ASIC2: variants seen among roughly 807,000 people sequenced by gnomAD.
The protein encoded by ASIC2 is acid-sensing ion channel 2.
Under a neutral mutation model 57.3 loss-of-function variants are expected in ASIC2, and 25 were observed. The ratio of observed to expected loss-of-function variants is 0.44; its 90% CI spans 0.32 to 0.61. The LOEUF is 0.61. ASIC2 is among the 20% of genes least tolerant of loss of function. ASIC2 has a pLI of 0.06. For synonymous variants in ASIC2, 319 were observed against 307.5 expected (o/e 1.04, Z -0.39); for missense variants, 641 against 738.1 (o/e 0.87, Z 1.52).
At chr17:33,359,113 T>G (rs1908499921) in intron 1 of ASIC2, among the ~76,000 whole-genome samples, 1 of 152,170 alleles carries the variant, frequency 6.6e-6, no homozygotes, top group South Asian at 2.1e-4. Context: ...TAGATATACT[T>G]GAACATCATG....
At chr17:33,098,668 G>A (rs1235686436) in intron 2 of ASIC2, among the ~76,000 whole-genome samples, 3 of 152,200 alleles carry the variant, frequency 2.0e-5, no homozygotes, top group Non-Finnish European at 4.4e-5. Context: ...GAGCACACTA[G>A]TATTTTAAAG....
At chr17:33,297,823 AAAATAAATAAATAAATAAATAAAT>A (rs200008797), upstream of ASIC2, among the ~76,000 whole-genome samples, 4,136 of 141,540 alleles carry the variant, frequency 0.029, 181 homozygotes, top group African/African-American at 0.1. Context: ...ACCCTGTCTC[AAAATAAATAAATAAATAAATAAAT>A]AAATAAATAA....
intron 3 of ASIC2, among the ~76,000 whole-genome samples, chr17:33,075,796 C>G (rs138029051): frequency 6.6e-6 from 1 of 152,216 alleles, no homozygotes; most frequent in Non-Finnish European, 1.5e-5. Flanking sequence ...ACAGAACAAG[C>G]AAAAGGCATG....
At chr17:33,997,627 T>C (rs1337088232) in intron 1 of ASIC2, among the ~76,000 whole-genome samples, 1 of 152,216 alleles carries the variant, frequency 6.6e-6, no homozygotes, top group African/African-American at 2.4e-5. Context: ...TCTATTGAGA[T>C]GATCATATAA....
intron 1 of ASIC2, among the ~76,000 whole-genome samples, chr17:34,127,893 CG>C (rs1911835549): frequency 6.6e-6 from 1 of 152,120 alleles, no homozygotes; most frequent in Non-Finnish European, 1.5e-5. Context: ...CTGAGCATCC[CG>C]GGCCTTGGGC....
intron 1 of ASIC2, among the ~76,000 whole-genome samples, chr17:33,880,574 G>C (rs1439794457): frequency 6.6e-6 from 1 of 152,110 alleles, no homozygotes; most frequent in Non-Finnish European, 1.5e-5. Flanking sequence ...TTGAATCTCT[G>C]AATAGACCAA....
chr17:33,790,852 A>T lies in ASIC2; in HGVS notation c.555+365126T>A, dbSNP rs936991991. On this transcript the variant is annotated intron_variant, in intron 1 of 9. Coordinates refer to the ASIC2 transcript ENST00000359872. ...TGATTGAGAATTTATCATGTACCAG[A>T]CATGATGCTTAACACTTTTCAGGCA... Among the ~76,000 whole-genome samples the T allele has an allele frequency of 3.9e-5, 6 of 152,346 alleles. No homozygotes were observed. The South Asian group carries it at 1.0e-3, about 26-fold the overall frequency.
chr17:33,642,207 ACCCCC>A lies in ASIC2; in HGVS notation c.555+513766_555+513770del, dbSNP rs200980132. On this transcript the variant is annotated intron_variant, in intron 1 of 9. Transcript: ENST00000359872. ...CGCACTCTAGGGGGAGCAAAAGGAC[ACCCCC>A]CCCCCCCCCACACACAATGGTTATG... Among the ~76,000 whole-genome samples the A allele has an allele frequency of 5.0e-4, 68 of 136,852 alleles. 1 individual carries two copies. The highest frequency in any genetic ancestry group is 1.3e-3 in the African/African-American group (48 of 37,722). 89.8% of individuals were successfully genotyped at this position (136,852 alleles called of 152,430 possible). A position where few individuals can be genotyped will look rare whatever the true frequency, so the allele number is the denominator to read the frequency against.
At chr17:33,708,120 G>T (rs1908916392) in intron 1 of ASIC2, among the ~76,000 whole-genome samples, 1 of 152,162 alleles carries the variant, frequency 6.6e-6, no homozygotes, top group African/African-American at 2.4e-5. Context: ...GGTAAAGAAG[G>T]GAATGTGGGG....
intron 3 of ASIC2, among the ~76,000 whole-genome samples, chr17:33,035,505 C>T (rs915024335): frequency 4.6e-5 from 7 of 152,126 alleles, no homozygotes; most frequent in Admixed American, 4.6e-4. Flanking sequence ...TGGTGAACTA[C>T]TTTGATTTCA....
At chr17:33,095,201 T>C (rs1199364126) in intron 2 of ASIC2, among the ~76,000 whole-genome samples, 1 of 152,190 alleles carries the variant, frequency 6.6e-6, no homozygotes, top group Non-Finnish European at 1.5e-5. Flanking sequence ...TCCAAGGGGA[T>C]CAGTTGCTGT....
chr17:33,981,990 C>T (rs986011656), intron 1 of ASIC2, among the ~76,000 whole-genome samples: 1 of 152,164 alleles, frequency 6.6e-6, no homozygotes, highest in Non-Finnish European at 1.5e-5. Flanking sequence ...TGAGGAGCCT[C>T]AAGAAGCAGT....
At position 33,291,698 on chromosome 17, in the gene ASIC2, GGTT is replaced by G; in HGVS notation, c.415_417del (p.Asn139del). ...TTGGAGAGGCGCGGGAAGCGCAGCG[GGTT>G]GTTGTTGCACACAGTGACGGCGGGG... On this transcript the variant is annotated inframe_deletion, in exon 1 of 10. Transcript: ENST00000225823. The G allele has an allele frequency of 6.2e-7, 1 of 1,613,632 alleles. No homozygotes were observed. The highest frequency in any genetic ancestry group is 8.5e-7 in the Non-Finnish European group (1 of 1,179,884).
At chr17:33,052,562 C>T (rs1486380653) in intron 3 of ASIC2, 1 of 152,200 alleles carries the variant, frequency 6.6e-6, no homozygotes, top group Admixed American at 6.5e-5. Context: ...GAGGATAAAA[C>T]TCTCTCTTCA....
At chr17:33,070,113 T>C (rs777923171) in intron 3 of ASIC2, among the ~76,000 whole-genome samples, 3 of 152,330 alleles carry the variant, frequency 2.0e-5, no homozygotes, top group African/African-American at 2.4e-5. Flanking sequence ...AGTATAGCAC[T>C]TCAGGCAGAG....
chr17:33,942,701 TCA>T (rs1427098702), intron 1 of ASIC2, among the ~76,000 whole-genome samples: 2 of 152,128 alleles, frequency 1.3e-5, no homozygotes, highest in Non-Finnish European at 2.9e-5. Context: ...ATTCCTGACT[TCA>T]CATTTTGCTA....
chr17:33,351,630 C>A (rs1908185046), intron 1 of ASIC2, among the ~76,000 whole-genome samples: 1 of 152,192 alleles, frequency 6.6e-6, no homozygotes, highest in African/African-American at 2.4e-5. Flanking sequence ...TTTCCTACCT[C>A]CAAGCTGTAC....
At chr17:33,058,299 A>T (rs1261406873) in intron 3 of ASIC2, among the ~76,000 whole-genome samples, 1 of 152,134 alleles carries the variant, frequency 6.6e-6, no homozygotes, top group Non-Finnish European at 1.5e-5. Context: ...TCCTTTGTCA[A>T]TGCTCAGAGG....
In ASIC2 at chr17:33,579,655, G is replaced by T. The variant is rs115724272; in HGVS notation, c.556-467588C>A. Among the ~76,000 whole-genome samples, 850 of 151,994 alleles carry T rather than the reference G, an allele frequency of 5.6e-3. 4 individuals carry two copies. The highest frequency in any genetic ancestry group is 0.02 in the African/African-American group (811 of 41,322). The stretch of plus-strand genomic sequence containing the variant: ...GCGTCTGAAGTTTCTTCCTTCTGGT[G>T]GGCTCCTGGTCTGGCAGACTTCTAG... On this transcript the variant is annotated intron_variant, in intron 1 of 9. Transcript: ENST00000359872.
Sources: gnomAD v4.1 joint callset for allele counts (sites outside exome capture counted in the v4.1 genomes callset) on GRCh38, gnomAD v4.1.1 for gene constraint, MANE v1.5 for transcripts, NCBI Gene and HGNC (gene_info 2026-07-23, HGNC 2026-07-21) for gene names.